ENTREP2: variants seen among roughly 807,000 people sequenced by gnomAD.
ENTREP2 encodes the protein protein ENTREP2.
At chr15:29,233,746 A>AG in the ENTREP2 span, 1 of 1,480,478 alleles carries the variant, frequency 6.8e-7, no homozygotes, top group Non-Finnish European at 9.4e-7. Context: ...TGTTAACCAC[A>AG]GAAGAAGGTG....
the ENTREP2 span, among the ~76,000 whole-genome samples, chr15:29,456,341 T>C: frequency 1.5e-4 from 23 of 152,256 alleles, no homozygotes; most frequent in Admixed American, 5.2e-4. Context: ...CTAATCTGAC[T>C]GCATGGAAGA....
At chr15:29,435,059 G>T in the ENTREP2 span, among the ~76,000 whole-genome samples, 1 of 152,120 alleles carries the variant, frequency 6.6e-6, no homozygotes, top group Admixed American at 6.5e-5. Context: ...CTGTACACCT[G>T]TTTTCCTTTC....
the ENTREP2 span, among the ~76,000 whole-genome samples, chr15:29,511,456 G>A: frequency 6.6e-6 from 1 of 151,188 alleles, no homozygotes; most frequent in Non-Finnish European, 1.5e-5. Context: ...AGCCTCCCAA[G>A]TAACTGGGAT....
chr15:29,517,678 C>T, the ENTREP2 span, among the ~76,000 whole-genome samples: 1 of 152,112 alleles, frequency 6.6e-6, no homozygotes, highest in Non-Finnish European at 1.5e-5. Context: ...GACACACATC[C>T]TCCCTTTACA....
chr15:29,600,464 CATCATCA>C, the ENTREP2 span, among the ~76,000 whole-genome samples: 1 of 150,426 alleles, frequency 6.6e-6, no homozygotes, highest in South Asian at 2.1e-4. Flanking sequence ...TCATCATCAT[CATCATCA>C]ATCATCATCA....
the ENTREP2 span, among the ~76,000 whole-genome samples, chr15:29,197,979 T>C: frequency 1.3e-5 from 2 of 152,184 alleles, no homozygotes; most frequent in African/African-American, 4.8e-5. Flanking sequence ...TTGCTGAGAC[T>C]GAGGCCATAC....
At chr15:29,136,296 G>A in the ENTREP2 span, 15,709 of 1,414,914 alleles carry the variant, frequency 0.011, 97 homozygotes, top group Non-Finnish European at 0.012. Flanking sequence ...GGTGCCTTCC[G>A]AGGGCAGGCC....
the ENTREP2 span, among the ~76,000 whole-genome samples, chr15:29,344,937 C>CA: frequency 7.3e-6 from 1 of 136,384 alleles, no homozygotes; most frequent in Non-Finnish European, 1.5e-5. Flanking sequence ...CGCAGACACA[C>CA]ACACACACAC....
chr15:29,217,264 A>T, the ENTREP2 span, among the ~76,000 whole-genome samples: 26 of 152,298 alleles, frequency 1.7e-4, no homozygotes, highest in African/African-American at 6.3e-4. Context: ...TCCTTGAGGA[A>T]GGGGCTGCCA....
At chr15:29,324,285 T>A in the ENTREP2 span, among the ~76,000 whole-genome samples, 2 of 151,984 alleles carry the variant, frequency 1.3e-5, no homozygotes, top group African/African-American at 2.4e-5. Context: ...TATTATTATT[T>A]TTTAGAGCCT....
the ENTREP2 span, among the ~76,000 whole-genome samples, chr15:29,269,993 G>C: frequency 6.6e-6 from 1 of 152,178 alleles, no homozygotes; most frequent in Non-Finnish European, 1.5e-5. Flanking sequence ...CAGAGAGCGA[G>C]AACCGAAACT....
chr15:29,525,783 G>C, the ENTREP2 span, among the ~76,000 whole-genome samples: 1 of 152,120 alleles, frequency 6.6e-6, no homozygotes, highest in African/African-American at 2.4e-5. Context: ...TAATGAAACT[G>C]GTCTCTAACC....
At chr15:29,548,532 GAATATACTGA>G in the ENTREP2 span, among the ~76,000 whole-genome samples, 3 of 151,144 alleles carry the variant, frequency 2.0e-5, no homozygotes, top group African/African-American at 7.3e-5. Context: ...GAATTAAGCT[GAATATACTGA>G]AATATACTGA....
At chr15:29,548,453 T>TAAAAAAAA in the ENTREP2 span, among the ~76,000 whole-genome samples, 298 of 134,184 alleles carry the variant, frequency 2.2e-3, 9 homozygotes, top group African/African-American at 7.3e-3. Context: ...AGATTCTGCC[T>TAAAAAAAA]AAAAAAAAAA....
At chr15:29,531,692 G>A in the ENTREP2 span, among the ~76,000 whole-genome samples, 1 of 152,204 alleles carries the variant, frequency 6.6e-6, no homozygotes, top group African/African-American at 2.4e-5. Context: ...CTGAGGCAGG[G>A]TCTCACTCTG....
chr15:29,657,467 C>T, the ENTREP2 span, among the ~76,000 whole-genome samples: 1 of 57,138 alleles, frequency 1.8e-5, no homozygotes, highest in African/African-American at 1.0e-4. Flanking sequence ...CGAGTTGCCG[C>T]TGTCGGCTGG....
the ENTREP2 span, among the ~76,000 whole-genome samples, chr15:29,413,759 G>A: frequency 3.2e-4 from 49 of 151,882 alleles, no homozygotes; most frequent in African/African-American, 1.0e-3. Context: ...AATAATCTGG[G>A]TAAGGAGAGA....
the ENTREP2 span, among the ~76,000 whole-genome samples, chr15:29,491,383 AG>A: frequency 4.6e-5 from 7 of 152,204 alleles, no homozygotes; most frequent in African/African-American, 7.2e-5. Context: ...GAGGCCCAGG[AG>A]GTGCAGAGAG....
At chr15:29,672,455 C>A in the ENTREP2 span, among the ~76,000 whole-genome samples, 3 of 152,266 alleles carry the variant, frequency 2.0e-5, no homozygotes, top group East Asian at 5.8e-4. Context: ...AAGAAAAACA[C>A]TGTTGCATTC....
Sources: allele counts gnomAD v4.1 joint callset (sites outside exome capture counted in the v4.1 genomes callset), GRCh38; gene constraint gnomAD v4.1.1; transcripts MANE v1.5; gene names NCBI Gene and HGNC (gene_info 2026-07-23, HGNC 2026-07-21).